TECPR1: variants seen among roughly 807,000 people sequenced by gnomAD.
The protein encoded by TECPR1 is tectonin beta-propeller repeat containing 1, also known as tectonin beta-propeller repeat-containing protein 1.
TECPR1 carries 122 observed loss-of-function variants against 162.4 expected under a neutral mutation model. The ratio of observed to expected loss-of-function variants is 0.75; its 90% confidence interval spans 0.65 to 0.87. TECPR1 has a LOEUF of 0.87. Ranked by LOEUF, TECPR1 falls within the 40% of genes least tolerant of loss-of-function variation. The pLI, the probability that TECPR1 is intolerant of heterozygous loss-of-function variation, is 0.00. For synonymous variants in TECPR1, 642 were observed against 670.6 expected (o/e 0.96, Z 0.66); for missense variants, 1,432 against 1,618.2 (o/e 0.88, Z 1.97).
At chr7:98,247,410 G>T (rs1166337926) in intron 2 of TECPR1, among the ~76,000 whole-genome samples, 1 of 152,022 alleles carries the variant, frequency 6.6e-6, no homozygotes, top group Non-Finnish European at 1.5e-5. Context: ...CAAACTGCTA[G>T]GATTACAGCC....
At chr7:98,239,413 G>T (rs1471565690) in intron 8 of TECPR1, among the ~76,000 whole-genome samples, 2 of 152,158 alleles carry the variant, frequency 1.3e-5, no homozygotes, top group African/African-American at 4.8e-5. Flanking sequence ...ATACTAGTCA[G>T]GTGTGGTGGT....
intron 10 of TECPR1, among the ~76,000 whole-genome samples, chr7:98,234,387 C>T (rs1562939684): frequency 6.6e-6 from 1 of 152,296 alleles, no homozygotes; most frequent in South Asian, 2.1e-4. Context: ...CTCCTGACCT[C>T]AAGTGATTCG....
chr7:98,222,448 C>T lies in TECPR1; in HGVS notation c.3002G>A (p.Trp1001Ter). Reference sequence around the variant, plus strand: ...GGCGGAGCCGTCCCTTGCCACGGCCCACACCTGGTAGCAGGCCCCGATGGA... The same window carrying T: ...GGCGGAGCCGTCCCTTGCCACGGCCTACACCTGGTAGCAGGCCCCGATGGA... ...SISIGACYQV[W>*]AVARDGSAFY... is the part of the protein sequence containing the mutation. Residue 1001 changes from tryptophan (W) to a stop codon, truncating the protein, a stop_gained, in exon 22 of 26, where the codon TGG becomes TAG. Coordinates refer to ENST00000447648, the MANE Select transcript of TECPR1 (RefSeq NM_015395.3). LOFTEE classifies it high-confidence loss of function. 6.3e-7 allele frequency: 1 copy of T among 1,596,116 alleles called. No homozygotes were observed.
intron 10 of TECPR1, 145 bp downstream of exon 10, chr7:98,236,631 T>G: frequency 3.6e-6 from 4 of 1,096,452 alleles, no homozygotes; most frequent in Non-Finnish European, 5.1e-6. Context: ...TCTTGTGGCT[T>G]TTGTGAGTGG....
Position 98,217,108 on chromosome 7 carries a change from A to C in TECPR1, c.*282T>G. 2.1e-5 allele frequency: 7 copies of C among 337,456 alleles called. No individual in the cohort carries two copies. The highest frequency in any genetic ancestry group is 2.7e-5 in the Non-Finnish European group (5 of 187,318). 20.9% of individuals were successfully genotyped at this position (337,456 alleles called of 1,614,324 possible). A position where few individuals can be genotyped will look rare whatever the true frequency, so the allele number is the denominator to read the frequency against. Reference sequence around the variant, plus strand: ...CTGGAAAGGCAGAAGGGAGAGGGGAAGGGAAGGGTGGGAGGGGCCTCTGGG... The same window carrying C: ...CTGGAAAGGCAGAAGGGAGAGGGGACGGGAAGGGTGGGAGGGGCCTCTGGG... On this transcript the variant is annotated 3_prime_UTR_variant, in exon 26 of 26. Transcript: ENST00000447648.
chr7:98,236,506 C>T (rs1798603451), intron 10 of TECPR1, among the ~76,000 whole-genome samples: 1 of 151,942 alleles, frequency 6.6e-6, no homozygotes, highest in South Asian at 2.1e-4. Context: ...CCCAGCCTTA[C>T]CCTGCTCCCA....
At chr7:98,234,994 G>A (rs1798555672) in intron 10 of TECPR1, among the ~76,000 whole-genome samples, 1 of 152,174 alleles carries the variant, frequency 6.6e-6, no homozygotes, top group African/African-American at 2.4e-5. Flanking sequence ...GACTGCAGGT[G>A]TGAGCTACCG....
In TECPR1 at chr7:98,229,185, G is replaced by T; in HGVS notation, c.2283-19C>A. ...CCAAAACCTGGAAGGATGGGAGAGG[G>T]CAGGTGGAAACCCCTCAGACCCCAC... On this transcript the variant is annotated intron_variant, in intron 15 of 25. Transcript: ENST00000447648. The T allele has an allele frequency of 1.9e-6, 3 of 1,551,872 alleles. No homozygotes were observed. Among genetic ancestry groups the T allele is most frequent in the Middle Eastern group, 1.7e-4 (1 of 5,988 alleles).
intron 3 of TECPR1, 42 bp downstream of exon 3, chr7:98,245,880 C>T (rs760964245): frequency 2.2e-5 from 33 of 1,532,548 alleles, no homozygotes; most frequent in Middle Eastern, 1.7e-4. Context: ...AATAACCCAG[C>T]GAACTGACCC....
In TECPR1 at chr7:98,243,577, C is replaced by T. The variant is rs1244219914; in HGVS notation, c.547G>A (p.Asp183Asn). The stretch of plus-strand genomic sequence containing the variant: ...AAGGGGTCGGGCAGCTCCTTGGGGT[C>T]ATCCTTCGAGGGGATCTGAAGGAAG... ...DIWAKIPSKDDPKELPDPFND... is the reference protein window; with the variant it reads ...DIWAKIPSKDNPKELPDPFND... The change falls in exon 6 of 26, where the codon GAC becomes AAC. Residue 183 changes from aspartate (D) to asparagine (N), a missense_variant. Asp to Asn is a conservative substitution (Grantham distance 23). Coordinates refer to ENST00000447648, the MANE Select transcript of TECPR1 (RefSeq NM_015395.3). The T allele has an allele frequency of 2.5e-6, 4 of 1,612,354 alleles. No individual in the cohort carries two copies. The South Asian group carries it at 4.4e-5, about 18-fold the overall frequency.
chr7:98,239,781 C>T (rs1306722213), intron 8 of TECPR1, among the ~76,000 whole-genome samples: 2 of 151,864 alleles, frequency 1.3e-5, no homozygotes, highest in African/African-American at 2.4e-5. Context: ...GTCCATCCCC[C>T]GGGCCAGGGA....
chr7:98,226,275 C>T (rs753011571), intron 17 of TECPR1, among the ~76,000 whole-genome samples: 7 of 152,170 alleles, frequency 4.6e-5, no homozygotes, highest in Admixed American at 1.3e-4. Flanking sequence ...GTGTGCCAAC[C>T]GCCTTAGAAA....
intron 13 of TECPR1, 195 bp downstream of exon 13, chr7:98,231,606 ACCC>A (rs1798441681): frequency 2.2e-5 from 7 of 313,980 alleles, no homozygotes; most frequent in African/African-American, 8.0e-5. Context: ...CTCCTGGGGC[ACCC>A]CCATTTCTGT....
Position 98,233,453 on chromosome 7 carries a change from C to A in TECPR1, c.1640G>T (p.Cys547Phe). 1 of 1,473,144 alleles carries A rather than the reference C, an allele frequency of 6.8e-7. No individual in the cohort carries two copies. Among genetic ancestry groups the A allele is most frequent in the East Asian group, 2.4e-5 (1 of 40,936 alleles). The allele number at this position is 1,473,144 out of a possible 1,614,324, so 91.3% of individuals were successfully genotyped here. A position where few individuals can be genotyped will look rare whatever the true frequency, so the allele number is the denominator to read the frequency against. ...GACAGTGAACCATCTGGGCATGGCACATGCCTCCACCACGCAGCCGCCTCC... is the reference window on the plus strand; with the variant it reads ...GACAGTGAACCATCTGGGCATGGCAAATGCCTCCACCACGCAGCCGCCTCC... ...VSGGGCVVEA[C>F]AMPRWFTVQA... The change falls in exon 11 of 26, where the codon TGT becomes TTT. Residue 547 changes from cysteine (C) to phenylalanine (F), a missense_variant. Transcript: ENST00000447648.
chr7:98,227,821 C>CAA (rs61468739), intron 17 of TECPR1, among the ~76,000 whole-genome samples, 193 bp downstream of exon 17: 36,526 of 102,308 alleles, frequency 0.36, 7,568 homozygotes, highest in Middle Eastern at 0.48. Flanking sequence ...GACCCTGTAT[C>CAA]AAAAAAAAAA....
chr7:98,223,626 C>G (rs534168122), intron 20 of TECPR1, 36 bp downstream of exon 20: 2 of 1,612,152 alleles, frequency 1.2e-6, no homozygotes, highest in East Asian at 2.2e-5. Flanking sequence ...CCTCCAGGAG[C>G]CTGACCGTGA....
Position 98,223,000 on chromosome 7 carries a change from A to T in TECPR1, c.2918T>A (p.Leu973His). 1 of 1,611,836 alleles carries T rather than the reference A, an allele frequency of 6.2e-7. No individual in the cohort carries two copies. Among genetic ancestry groups the T allele is most frequent in the South Asian group, 1.1e-5 (1 of 90,876 alleles). The change falls in exon 21 of 26, where the codon CTC (leucine) becomes CAC (histidine). Residue 973 changes from leucine to histidine, a missense_variant. Physicochemically the swap from Leu to His is moderately conservative, Grantham distance 99 (BLOSUM62 -3). Coordinates refer to ENST00000447648, the MANE Select transcript of TECPR1 (RefSeq NM_015395.3). ...DVLCRLGVSELNPAGSSWLHV... is the reference protein window; with the variant it reads ...DVLCRLGVSEHNPAGSSWLHV... ...GGCCCCGGCACTCACCGCAGGGTTG[A>T]GCTCCGACACGCCCAGGCGGCACAG...
At chr7:98,227,042 T>TATA (rs1798294389) in intron 17 of TECPR1, among the ~76,000 whole-genome samples, 1 of 152,162 alleles carries the variant, frequency 6.6e-6, no homozygotes, top group African/African-American at 2.4e-5. Context: ...ATATGCCACT[T>TATA]ATAATACTGT....
intron 2 of TECPR1, among the ~76,000 whole-genome samples, chr7:98,249,855 T>C (rs1366976508): frequency 6.6e-6 from 1 of 151,526 alleles, no homozygotes; most frequent in African/African-American, 2.4e-5. Context: ...TAGGAGGAGA[T>C]TGTAGTGAGC....
Sources: gnomAD v4.1 joint callset for allele counts (sites outside exome capture counted in the v4.1 genomes callset) on GRCh38, gnomAD v4.1.1 for gene constraint, MANE v1.5 for transcripts, NCBI Gene and HGNC (gene_info 2026-07-23, HGNC 2026-07-21) for gene names.